KCNH5: variants seen among roughly 807,000 people sequenced by gnomAD.
KCNH5 encodes the protein voltage-gated delayed rectifier potassium channel KCNH5.
In KCNH5, 46 loss-of-function variants were observed where a neutral mutation model predicts 96.1. That is an observed-to-expected ratio of 0.48 (90% CI 0.38 to 0.61). The LOEUF is 0.61. Ranked by LOEUF, KCNH5 falls within the 20% of genes least tolerant of loss-of-function variation. The probability of loss-of-function intolerance (pLI) is 0.00; values close to 1 mark genes in which losing one functional copy is unlikely to be tolerated. For synonymous variants in KCNH5, 439 were observed against 449.8 expected, an observed-to-expected ratio of 0.98 and a Z score of 0.30; for missense variants, 907 against 1,225.8, an observed-to-expected ratio of 0.74 and a Z score of 3.88.
chr14:62,714,504 T>G lies in KCNH5; in HGVS notation c.2020-6049A>C, dbSNP rs573329264. 2.2e-4 allele frequency among the ~76,000 whole-genome samples: 34 copies of G among 152,304 alleles called. 1 individual carries two copies. The South Asian group carries it at 7.0e-3, about 32-fold the overall frequency. On this transcript the variant is annotated intron_variant, in intron 10 of 10. Transcript: ENST00000322893. ...AGATTTTTCATAATCCAATTGAATC[T>G]TTCATGGGCAACTGGCAAATTGTAA... is the stretch of plus-strand genomic sequence containing the variant.
At chr14:62,903,390 A>T (rs1470234828) in intron 7 of KCNH5, among the ~76,000 whole-genome samples, 2 of 152,220 alleles carry the variant, frequency 1.3e-5, no homozygotes, top group African/African-American at 4.8e-5. Flanking sequence ...AAGGGTAGGC[A>T]CAAGACCCAA....
chr14:62,810,763 A>C (rs1236165735), intron 8 of KCNH5, among the ~76,000 whole-genome samples: 1 of 152,160 alleles, frequency 6.6e-6, no homozygotes, highest in Non-Finnish European at 1.5e-5. Flanking sequence ...AAAATGGGCA[A>C]TCAGCAGCCC....
rs1337442718 is a variant in KCNH5 at position 62,699,624 on chromosome 14, T to C, written c.*7884A>G. The C allele has an allele frequency of 6.6e-6, 1 of 152,202 alleles. No homozygotes were observed. Among genetic ancestry groups the C allele is most frequent in the Admixed American group, 6.5e-5 (1 of 15,276 alleles). 9.4% of individuals were successfully genotyped at this position (152,202 alleles called of 1,614,324 possible). A position where few individuals can be genotyped will look rare whatever the true frequency, so the allele number is the denominator to read the frequency against. ...AAGCTTCCACCTGCCAATTCACTTT[T>C]CAAAATGACCATTTTTTGAGAACAA... On this transcript the variant is annotated 3_prime_UTR_variant, in exon 11 of 11. Coordinates refer to ENST00000322893, the MANE Select transcript of KCNH5 (RefSeq NM_139318.5).
At chr14:62,935,834 G>C (rs926882591) in intron 7 of KCNH5, among the ~76,000 whole-genome samples, 6 of 152,158 alleles carry the variant, frequency 3.9e-5, no homozygotes, top group African/African-American at 1.4e-4. Flanking sequence ...GATTTCTAAT[G>C]GTGGACCATT....
rs868385037 is a variant in KCNH5, at chr14:62,948,057, T to C, written c.1369+2076A>G. Among the ~76,000 whole-genome samples, 1,068 of 149,826 alleles carry C rather than the reference T, an allele frequency of 7.1e-3. 10 individuals carry two copies. The highest frequency in any genetic ancestry group is 0.025 in the African/African-American group (1,011 of 40,834). ...GTAATCTCATTGTTCAATTCCCACCTATGAGTGAGAATATGCGGTGTTTGG... is the reference window on the plus strand; with the variant it reads ...GTAATCTCATTGTTCAATTCCCACCCATGAGTGAGAATATGCGGTGTTTGG... On this transcript the variant is annotated intron_variant, in intron 7 of 10. Coordinates refer to ENST00000322893, the MANE Select transcript of KCNH5 (RefSeq NM_139318.5).
chr14:62,847,850 T>C (rs972885389), intron 8 of KCNH5, among the ~76,000 whole-genome samples: 2 of 152,178 alleles, frequency 1.3e-5, no homozygotes, highest in African/African-American at 4.8e-5. Context: ...TACCCAGAAA[T>C]TTTTCCCTGC....
chr14:63,038,908 AT>A (rs1293027424), intron 1 of KCNH5, among the ~76,000 whole-genome samples: 5 of 152,042 alleles, frequency 3.3e-5, no homozygotes, highest in Non-Finnish European at 5.9e-5. Flanking sequence ...AATGCTGAGG[AT>A]TTTTTTACAT....
intron 6 of KCNH5, among the ~76,000 whole-genome samples, chr14:62,966,124 T>A (rs1890300890): frequency 6.6e-6 from 1 of 152,178 alleles, no homozygotes; most frequent in Non-Finnish European, 1.5e-5. Context: ...TGACTGATTT[T>A]TCCTGACACA....
At chr14:63,020,756 G>C (rs965463332) in intron 1 of KCNH5, among the ~76,000 whole-genome samples, 1 of 152,092 alleles carries the variant, frequency 6.6e-6, no homozygotes, top group African/African-American at 2.4e-5. Context: ...TCATTGAACT[G>C]TGCAGTTAAG....
chr14:62,971,940 G>A (rs1215109037), intron 6 of KCNH5, among the ~76,000 whole-genome samples: 3 of 152,238 alleles, frequency 2.0e-5, no homozygotes, highest in East Asian at 3.9e-4. Context: ...ATGACCTTGA[G>A]TATGACAATG....
At chr14:62,869,028 T>G (rs1888196361) in intron 7 of KCNH5, among the ~76,000 whole-genome samples, 1 of 152,242 alleles carries the variant, frequency 6.6e-6, no homozygotes, top group Non-Finnish European at 1.5e-5. Context: ...GTAGAATGAT[T>G]TATAATCCTT....
intron 7 of KCNH5, among the ~76,000 whole-genome samples, chr14:62,936,762 G>A (rs1385592952): frequency 1.3e-5 from 2 of 151,566 alleles, no homozygotes; most frequent in Non-Finnish European, 2.9e-5. Context: ...CAGATCACGA[G>A]GTCAGGAGTT....
chr14:63,004,970 T>A (rs1388473814), intron 3 of KCNH5, among the ~76,000 whole-genome samples: 1 of 152,220 alleles, frequency 6.6e-6, no homozygotes. Flanking sequence ...TTGGAGCACA[T>A]ATCTAAATTA....
chr14:62,848,187 C>T (rs991564903), intron 8 of KCNH5, among the ~76,000 whole-genome samples: 4 of 152,140 alleles, frequency 2.6e-5, no homozygotes, highest in Admixed American at 6.5e-5. Context: ...TAGTGATTGA[C>T]GAGGCCGGTG....
At chr14:62,861,397 G>A (rs1469376913) in intron 7 of KCNH5, among the ~76,000 whole-genome samples, 1 of 151,816 alleles carries the variant, frequency 6.6e-6, no homozygotes, top group East Asian at 1.9e-4. Flanking sequence ...AGCTTCCAGA[G>A]TAGCTGGGAT....
rs1407199615 is a variant in KCNH5 at position 62,702,056 on chromosome 14, GA to G, written c.*5451del. The G allele has an allele frequency of 1.3e-5, 2 of 151,744 alleles. No homozygotes were observed. The highest frequency in any genetic ancestry group is 4.1e-4 in the South Asian group (2 of 4,824). The allele number at this position is 151,744 out of a possible 1,614,324, so 9.4% of individuals were successfully genotyped here. A position where few individuals can be genotyped will look rare whatever the true frequency, so the allele number is the denominator to read the frequency against. On this transcript the variant is annotated 3_prime_UTR_variant, in exon 11 of 11. Transcript: ENST00000322893. Reference sequence around the variant, plus strand: ...CTATTAAAAAGAAAAAGAAATTATAGAAAAAAAATCCTGAATGACTCTTGCT... The same window carrying G: ...CTATTAAAAAGAAAAAGAAATTATAGAAAAAAATCCTGAATGACTCTTGCT...
chr14:63,006,315 C>A (rs1200642846), intron 3 of KCNH5, 51 bp downstream of exon 3: 1 of 1,171,656 alleles, frequency 8.5e-7, no homozygotes, highest in African/African-American at 1.5e-5. Context: ...ACTTACCAAA[C>A]ATAATATTAA....
intron 10 of KCNH5, among the ~76,000 whole-genome samples, chr14:62,743,377 G>A (rs1290071327): frequency 1.3e-5 from 2 of 152,198 alleles, no homozygotes; most frequent in South Asian, 2.1e-4. Flanking sequence ...CTGTGCACAA[G>A]AATCACCTGG....
intron 7 of KCNH5, among the ~76,000 whole-genome samples, chr14:62,898,788 A>G (rs995374252): frequency 1.8e-4 from 28 of 152,204 alleles, no homozygotes; most frequent in African/African-American, 6.5e-4. Context: ...AATAATGGAT[A>G]GAGGTATCAT....
Sources: allele counts gnomAD v4.1 joint callset (sites outside exome capture counted in the v4.1 genomes callset), GRCh38; gene constraint gnomAD v4.1.1; transcripts MANE v1.5; gene names NCBI Gene and HGNC (gene_info 2026-07-23, HGNC 2026-07-21).